The following OR9Q1 variants were observed in gnomAD, a reference collection of about 807,000 sequenced individuals.
OR9Q1 encodes olfactory receptor 9Q1.
For synonymous variants in OR9Q1, 153 were observed against 148.6 expected, an observed-to-expected ratio of 1.03 and a Z score of -0.22; for missense variants, 374 against 378.8, an observed-to-expected ratio of 0.99 and a Z score of 0.11.
intron 2 of OR9Q1, among the ~76,000 whole-genome samples, chr11:58,064,702 C>A (rs1300705687): frequency 7.2e-5 from 11 of 152,016 alleles, no homozygotes; most frequent in Non-Finnish European, 1.5e-5. Flanking sequence ...AGAGAGGGGA[C>A]TCAGGGCATT....
intron 2 of OR9Q1, among the ~76,000 whole-genome samples, chr11:58,175,685 A>C (rs1236359932): frequency 6.6e-6 from 1 of 151,644 alleles, no homozygotes; most frequent in Admixed American, 6.6e-5. Context: ...TTTTTGTTTC[A>C]TTTCACATCT....
At chr11:58,079,415 A>C (rs976828927) in intron 2 of OR9Q1, among the ~76,000 whole-genome samples, 5 of 152,178 alleles carry the variant, frequency 3.3e-5, no homozygotes, top group Non-Finnish European at 5.9e-5. Flanking sequence ...TATACTTTTT[A>C]GAGTATTCAT....
At chr11:58,103,926 TG>T (rs1853815073) in intron 2 of OR9Q1, among the ~76,000 whole-genome samples, 1 of 152,152 alleles carries the variant, frequency 6.6e-6, no homozygotes, top group South Asian at 2.1e-4. Context: ...AGCAGAGGTG[TG>T]GCTTTGCTGG....
chr11:58,130,836 T>C (rs1314255577), intron 2 of OR9Q1, among the ~76,000 whole-genome samples: 2 of 151,860 alleles, frequency 1.3e-5, no homozygotes, highest in Non-Finnish European at 2.9e-5. Context: ...TCCCCCATTG[T>C]TCTGTTTCTA....
At chr11:58,072,057 T>TA (rs1565068134) in intron 2 of OR9Q1, among the ~76,000 whole-genome samples, 9 of 152,272 alleles carry the variant, frequency 5.9e-5, no homozygotes, top group Admixed American at 1.3e-4. Context: ...CAATTGCACT[T>TA]AAAATAAAAG....
At chr11:58,148,310 A>G (rs555696172) in intron 2 of OR9Q1, among the ~76,000 whole-genome samples, 9 of 150,592 alleles carry the variant, frequency 6.0e-5, no homozygotes, top group African/African-American at 2.0e-4. Flanking sequence ...AGAAGTGTGT[A>G]TATATATATA....
At chr11:58,157,210 C>T (rs1854415924) in intron 2 of OR9Q1, among the ~76,000 whole-genome samples, 1 of 152,084 alleles carries the variant, frequency 6.6e-6, no homozygotes, top group Non-Finnish European at 1.5e-5. Flanking sequence ...TCTGCTCAGG[C>T]CTCTTTGCAC....
intron 2 of OR9Q1, among the ~76,000 whole-genome samples, chr11:58,080,809 A>G (rs1853580111): frequency 6.6e-6 from 1 of 152,088 alleles, no homozygotes; most frequent in Non-Finnish European, 1.5e-5. Context: ...ATGTCGGCTC[A>G]TGTCCTTGGA....
Position 58,179,765 on chromosome 11 carries a change from T to C in OR9Q1, c.321T>C (p.Phe107=). The change falls in exon 3 of 3, where the codon TTT becomes TTC. Residue 107 remains phenylalanine, a synonymous_variant. Transcript: ENST00000335397. ...CTCAGTTCTTTCTGTTCACCTTCTT[T>C]GGTTCCATCGACTGCTACCTCTTGG... is the stretch of plus-strand genomic sequence containing the variant. ...CAAQFFLFTF[F]GSIDCYLLAL... 1 of 1,614,222 alleles carries C rather than the reference T, an allele frequency of 6.2e-7. No homozygotes were observed. Among genetic ancestry groups the C allele is most frequent in the South Asian group, 1.1e-5 (1 of 91,086 alleles).
chr11:58,036,346 T>C (rs1213933941), intron 1 of OR9Q1, among the ~76,000 whole-genome samples: 2 of 152,238 alleles, frequency 1.3e-5, no homozygotes, highest in Admixed American at 1.3e-4. Flanking sequence ...TCATTGACAA[T>C]GCACCTGATG....
rs992587413 is a variant in OR9Q1, at chr11:58,118,951, G to C, written c.-14-60480G>C. ...TTGATTGTCCTTACAGAAGGAGAGG[G>C]TGAAGGTGCAAGTGGTACGCAGGAT... is the stretch of plus-strand genomic sequence containing the variant. On this transcript the variant is annotated intron_variant, in intron 2 of 2. Transcript: ENST00000335397. 2.5e-6 allele frequency: 4 copies of C among 1,613,866 alleles called. No homozygotes were observed. In the African/African-American group the frequency reaches 5.3e-5, roughly 22 times the overall value.
chr11:58,152,044 C>T (rs954919032), intron 2 of OR9Q1, among the ~76,000 whole-genome samples: 2 of 152,130 alleles, frequency 1.3e-5, no homozygotes, highest in African/African-American at 4.8e-5. Context: ...TGGGGAAATC[C>T]TCTCAGGCCA....
At chr11:58,057,994 A>G (rs905459444) in intron 2 of OR9Q1, among the ~76,000 whole-genome samples, 4 of 152,206 alleles carry the variant, frequency 2.6e-5, no homozygotes, top group Non-Finnish European at 5.9e-5. Flanking sequence ...GAAATCCCAT[A>G]TTGAGATTTG....
chr11:58,099,994 T>C (rs1466756243), intron 2 of OR9Q1, among the ~76,000 whole-genome samples: 1 of 152,220 alleles, frequency 6.6e-6, no homozygotes, highest in Non-Finnish European at 1.5e-5. Flanking sequence ...CGTAATATTT[T>C]GTAAATCACA....
intron 2 of OR9Q1, among the ~76,000 whole-genome samples, chr11:58,121,686 G>A (rs1854034180): frequency 6.6e-6 from 1 of 152,158 alleles, no homozygotes. Flanking sequence ...GTTTGATGAA[G>A]CCATGAATAT....
intron 1 of OR9Q1, among the ~76,000 whole-genome samples, chr11:58,046,104 G>A (rs1258389160): frequency 6.6e-6 from 1 of 152,224 alleles, no homozygotes; most frequent in Non-Finnish European, 1.5e-5. Flanking sequence ...GGATTCTGTG[G>A]TCTGAGGAAG....
chr11:58,063,713 G>A (rs761706468), intron 2 of OR9Q1, among the ~76,000 whole-genome samples: 19 of 152,140 alleles, frequency 1.2e-4, no homozygotes, highest in Non-Finnish European at 2.6e-4. Flanking sequence ...TTTTTGGGGG[G>A]GTGAGTTTTA....
intron 2 of OR9Q1, among the ~76,000 whole-genome samples, chr11:58,169,938 A>G (rs537416483): frequency 3.4e-4 from 52 of 152,028 alleles, no homozygotes; most frequent in Middle Eastern, 3.4e-3. Flanking sequence ...TTTAAGAGAC[A>G]TACAGTCTGC....
At chr11:58,126,091 T>A (rs1854087904) in intron 2 of OR9Q1, among the ~76,000 whole-genome samples, 1 of 152,168 alleles carries the variant, frequency 6.6e-6, no homozygotes, top group South Asian at 2.1e-4. Flanking sequence ...CATACTTCAT[T>A]CATGTCTATA....
Sources: gnomAD v4.1 joint callset for allele counts (sites outside exome capture counted in the v4.1 genomes callset) on GRCh38, gnomAD v4.1.1 for gene constraint, MANE v1.5 for transcripts, NCBI Gene and HGNC (gene_info 2026-07-23, HGNC 2026-07-21) for gene names.